ADGB: variants seen among roughly 807,000 people sequenced by gnomAD.
The protein encoded by ADGB is calpain-7-like protein.
A neutral mutation model predicts 210.5 loss-of-function variants in ADGB; 172 were observed. The ratio of observed to expected loss-of-function variants is 0.82; its 90% confidence interval spans 0.72 to 0.93. The LOEUF (loss-of-function observed/expected upper bound fraction) is 0.93, where lower values mean the gene tolerates loss of function less well. ADGB is among the 40% of genes least tolerant of loss of function. The pLI, the probability that ADGB is intolerant of heterozygous loss-of-function variation, is 0.00. For synonymous variants in ADGB, 658 were observed against 662.7 expected (o/e 0.99, Z 0.11); for missense variants, 2,025 against 1,964.8 (o/e 1.03, Z -0.58).
intron 3 of ADGB, among the ~76,000 whole-genome samples, chr6:146,645,803 A>C (rs576456582): frequency 6.6e-6 from 1 of 152,146 alleles, no homozygotes; most frequent in Non-Finnish European, 1.5e-5. Flanking sequence ...CAAAAATAAT[A>C]TCCTATCAGC....
At chr6:146,613,113 A>G (rs1199233220) in intron 1 of ADGB, among the ~76,000 whole-genome samples, 1 of 152,128 alleles carries the variant, frequency 6.6e-6, no homozygotes, top group South Asian at 2.1e-4. Flanking sequence ...ATTTATTCTC[A>G]TTCATTTTAA....
At chr6:146,683,952 T>A (rs971016086) in intron 9 of ADGB, among the ~76,000 whole-genome samples, 2 of 152,060 alleles carry the variant, frequency 1.3e-5, no homozygotes, top group African/African-American at 4.8e-5. Flanking sequence ...CAAAATACTT[T>A]TACACGTTAT....
chr6:146,703,441 T>C (rs1053558273), intron 13 of ADGB, among the ~76,000 whole-genome samples: 4 of 151,792 alleles, frequency 2.6e-5, no homozygotes, highest in African/African-American at 9.7e-5. Flanking sequence ...ATAGACCCCG[T>C]GTTGCAAATC....
intron 1 of ADGB, among the ~76,000 whole-genome samples, chr6:146,623,588 A>G (rs1291003729): frequency 6.6e-6 from 1 of 151,918 alleles, no homozygotes; most frequent in Non-Finnish European, 1.5e-5. Flanking sequence ...TGAAAGTTTT[A>G]ATACATGCCA....
At chr6:146,652,516 T>G (rs956285981) in intron 3 of ADGB, among the ~76,000 whole-genome samples, 20 of 152,296 alleles carry the variant, frequency 1.3e-4, no homozygotes, top group African/African-American at 4.8e-4. Flanking sequence ...TAATCAAAAC[T>G]GTTTTCATGT....
At chr6:146,757,183 AT>A (rs1333997824) in intron 27 of ADGB, among the ~76,000 whole-genome samples, 1 of 151,962 alleles carries the variant, frequency 6.6e-6, no homozygotes, top group African/African-American at 2.4e-5. Context: ...TACGATTTAT[AT>A]TTCCCCATTT....
At position 146,672,451 on chromosome 6, in the gene ADGB, C is replaced by T. The variant is rs376682977; in HGVS notation, c.1071C>T (p.Ser357=). Reference sequence around the variant, plus strand: ...CAACACTAAAGGCTCCTGAGAAAAGCGACAAAGTTCCAAAGGGTAAGATAT... The same window carrying T: ...CAACACTAAAGGCTCCTGAGAAAAGTGACAAAGTTCCAAAGGGTAAGATAT... ...SLTTLKAPEK[S]DKVPKEKADA... The change falls in exon 8 of 36, where the codon AGC becomes AGT. Residue 357 remains serine (S), a synonymous_variant. Transcript: ENST00000397944. 1.1e-4 allele frequency: 174 copies of T among 1,543,160 alleles called. 3 individuals carry two copies. In the South Asian group the frequency reaches 1.8e-3, roughly 16 times the overall value.
At chr6:146,793,439 G>T (rs1481417563) in intron 33 of ADGB, among the ~76,000 whole-genome samples, 1 of 152,138 alleles carries the variant, frequency 6.6e-6, no homozygotes, top group Non-Finnish European at 1.5e-5. Context: ...TGCTGGATGG[G>T]GGCAAAGAAG....
At chr6:146,697,979 A>C (rs1427299699) in intron 12 of ADGB, among the ~76,000 whole-genome samples, 1 of 152,216 alleles carries the variant, frequency 6.6e-6, no homozygotes, top group East Asian at 1.9e-4. Context: ...TCTGGTACAC[A>C]AATTACGTGG....
chr6:146,657,190 G>A (rs1287585460), intron 5 of ADGB, among the ~76,000 whole-genome samples: 1 of 152,012 alleles, frequency 6.6e-6, no homozygotes, highest in African/African-American at 2.4e-5. Context: ...GCTGGGTACG[G>A]TGGTGGGTGC....
At chr6:146,693,286 G>A (rs1776357220) in intron 12 of ADGB, among the ~76,000 whole-genome samples, 1 of 152,126 alleles carries the variant, frequency 6.6e-6, no homozygotes, top group African/African-American at 2.4e-5. Context: ...GAGAGGATTA[G>A]TGACCTTCTG....
chr6:146,726,176 T>G lies in ADGB; in HGVS notation c.2331T>G (p.Val777=). Residue 777 remains valine, a synonymous_variant, in exon 19 of 36, where the codon GTT becomes GTG. Coordinates refer to ENST00000397944, the MANE Select transcript of ADGB (RefSeq NM_024694.4). ...CATTTGTCATTGGGGATGAACACGT[T>G]GTACTGCCCAACTTTGAACCAGTAA... ...MVSFVIGDEH[V]VLPNFEPESC... 6.5e-7 allele frequency: 1 copy of G among 1,547,694 alleles called. No individual in the cohort carries two copies. The highest frequency in any genetic ancestry group is 8.7e-7 in the Non-Finnish European group (1 of 1,143,420).
At chr6:146,657,772 T>G (rs955049479) in intron 5 of ADGB, among the ~76,000 whole-genome samples, 5 of 152,232 alleles carry the variant, frequency 3.3e-5, no homozygotes, top group Non-Finnish European at 7.3e-5. Flanking sequence ...CATCAGTTCT[T>G]GGTCCTGAAC....
intron 20 of ADGB, among the ~76,000 whole-genome samples, chr6:146,731,083 A>C (rs568389665): frequency 5.5e-4 from 83 of 152,284 alleles, no homozygotes; most frequent in Non-Finnish European, 8.2e-4. Context: ...TATTTTTCGT[A>C]GGGAGTGATT....
intron 35 of ADGB, among the ~76,000 whole-genome samples, chr6:146,811,372 A>G (rs1451573910): frequency 6.6e-6 from 1 of 152,092 alleles, no homozygotes; most frequent in Non-Finnish European, 1.5e-5. Flanking sequence ...CATGGTACAA[A>G]TATACCATAA....
chr6:146,733,271 A>G lies in ADGB; in HGVS notation c.2656+16A>G, dbSNP rs2114587272. 2 of 1,438,556 alleles carry G rather than the reference A, an allele frequency of 1.4e-6. No individual in the cohort carries two copies. The highest frequency in any genetic ancestry group is 1.8e-6 in the Non-Finnish European group (2 of 1,100,028). 89.1% of individuals were successfully genotyped at this position (1,438,556 alleles called of 1,614,324 possible). ...GTTTCTTTAGGTACCCATGAATTGT[A>G]TATATTTAATCAAGGAATTCCTAGT... On this transcript the variant is annotated intron_variant, in intron 21 of 35. Coordinates refer to ENST00000397944, the MANE Select transcript of ADGB (RefSeq NM_024694.4).
intron 7 of ADGB, among the ~76,000 whole-genome samples, chr6:146,669,896 C>T (rs1164340492): frequency 6.6e-6 from 1 of 152,096 alleles, no homozygotes; most frequent in East Asian, 1.9e-4. Flanking sequence ...TTCTCAACCT[C>T]CTAAACTGCA....
chr6:146,689,462 A>T, intron 10 of ADGB, among the ~76,000 whole-genome samples: 1 of 152,200 alleles, frequency 6.6e-6, no homozygotes, highest in South Asian at 2.1e-4. Flanking sequence ...TATTCAAATT[A>T]TAAATAGGTG....
At chr6:146,778,674 AGT>A (rs1207820566) in intron 29 of ADGB, among the ~76,000 whole-genome samples, 1 of 152,100 alleles carries the variant, frequency 6.6e-6, no homozygotes, top group Non-Finnish European at 1.5e-5. Flanking sequence ...AACTGCTTAG[AGT>A]GTAATCTCAC....
Sources: gnomAD v4.1 joint callset for allele counts (sites outside exome capture counted in the v4.1 genomes callset) on GRCh38, gnomAD v4.1.1 for gene constraint, MANE v1.5 for transcripts, NCBI Gene and HGNC (gene_info 2026-07-23, HGNC 2026-07-21) for gene names.